CLASP2: variants seen among roughly 807,000 people sequenced by gnomAD.
CLASP2 encodes cytoplasmic linker associated protein 2, also known as CLIP-associating protein 2.
In CLASP2, 47 loss-of-function variants were observed where a neutral mutation model predicts 194.4. The observed-to-expected ratio is 0.24, with a 90% CI of 0.19 to 0.31. CLASP2 has a LOEUF of 0.31. Among genes scored for constraint, CLASP2 ranks in the 10% least tolerant of loss-of-function variants. CLASP2 has a pLI of 1.00. For synonymous variants in CLASP2, 619 were observed against 633.5 expected (o/e 0.98, Z 0.34); for missense variants, 1,445 against 1,823.6 (o/e 0.79, Z 3.78).
At chr3:33,611,495 G>C (rs2075169967) in intron 13 of CLASP2, among the ~76,000 whole-genome samples, 1 of 152,120 alleles carries the variant, frequency 6.6e-6, no homozygotes, top group South Asian at 2.1e-4. Flanking sequence ...GTTAAGAATT[G>C]TAGAAACCAG....
At chr3:33,572,545 C>T (rs1019326542) in intron 25 of CLASP2, among the ~76,000 whole-genome samples, 10 of 151,996 alleles carry the variant, frequency 6.6e-5, no homozygotes, top group Admixed American at 6.6e-4. Context: ...AAACATCACA[C>T]AGACAAGGAC....
chr3:33,581,015 C>CA (rs34304858), intron 23 of CLASP2, among the ~76,000 whole-genome samples: 30,607 of 57,648 alleles, frequency 0.53, 6,971 homozygotes, highest in African/African-American at 0.59. Flanking sequence ...GACTCCGTCT[C>CA]AAAAAAAAAA....
At chr3:33,578,615 G>T (rs1164616901) in intron 23 of CLASP2, among the ~76,000 whole-genome samples, 1 of 152,146 alleles carries the variant, frequency 6.6e-6, no homozygotes, top group Non-Finnish European at 1.5e-5. Context: ...CCCGAAAGGT[G>T]ACTGGTATCA....
rs1010661259 is a variant in CLASP2 at position 33,713,029 on chromosome 3, A to G, written c.195+4779T>C. 4.0e-5 allele frequency among the ~76,000 whole-genome samples: 6 copies of G among 150,772 alleles called. No individual in the cohort carries two copies. In the South Asian group the frequency reaches 1.0e-3, roughly 26 times the overall value. On this transcript the variant is annotated intron_variant, in intron 1 of 38. Transcript: ENST00000682230. Reference sequence around the variant, plus strand: ...CTCCACCTCAAAAAAAAAAAAAAAAAAAAAAAAAAAGAAAGTGTGAATCAC... The same window carrying G: ...CTCCACCTCAAAAAAAAAAAAAAAAGAAAAAAAAAAGAAAGTGTGAATCAC...
chr3:33,632,430 T>C (rs2079256244), intron 8 of CLASP2, 59 bp from the exon 9 acceptor site: 9 of 1,163,964 alleles, frequency 7.7e-6, no homozygotes, highest in South Asian at 1.5e-5. Flanking sequence ...TTAACATTAA[T>C]GACAACATGA....
intron 3 of CLASP2, 115 bp from the exon 4 acceptor site, chr3:33,688,483 G>T: frequency 1.3e-6 from 1 of 777,430 alleles, no homozygotes; most frequent in Middle Eastern, 3.8e-4. Context: ...GTTTTCATCA[G>T]ACTGTTGTTC....
At chr3:33,661,624 A>G (rs888532447) in intron 7 of CLASP2, among the ~76,000 whole-genome samples, 19 of 152,232 alleles carry the variant, frequency 1.2e-4, no homozygotes, top group Non-Finnish European at 2.2e-4. Context: ...AGGCAAGAAA[A>G]GATAACAGGG....
chr3:33,531,221 T>G (rs1209110162), intron 34 of CLASP2, among the ~76,000 whole-genome samples: 2 of 152,122 alleles, frequency 1.3e-5, no homozygotes, highest in African/African-American at 4.8e-5. Flanking sequence ...AATTAAAAAT[T>G]TCTGTGTCTC....
chr3:33,510,974 T>C (rs967456806), intron 36 of CLASP2, among the ~76,000 whole-genome samples: 6 of 151,888 alleles, frequency 4.0e-5, no homozygotes, highest in Non-Finnish European at 8.8e-5. Flanking sequence ...GATGGATACA[T>C]GGGCTTTATT....
At chr3:33,575,002 C>T (rs116343326) in intron 24 of CLASP2, among the ~76,000 whole-genome samples, 2,892 of 152,016 alleles carry the variant, frequency 0.019, 52 homozygotes, top group African/African-American at 0.044. Flanking sequence ...CAAGAAAAAC[C>T]CAATCAATTC....
At chr3:33,499,352 CTT>C (rs11446264) in intron 38 of CLASP2, among the ~76,000 whole-genome samples, 15 of 136,996 alleles carry the variant, frequency 1.1e-4, no homozygotes, top group Admixed American at 1.5e-4. Flanking sequence ...TAGGGCAGTT[CTT>C]TTTTTTTTTT....
intron 3 of CLASP2, among the ~76,000 whole-genome samples, chr3:33,688,868 T>C (rs1487256599): frequency 6.6e-6 from 1 of 152,114 alleles, no homozygotes; most frequent in Non-Finnish European, 1.5e-5. Flanking sequence ...GGGCAATTCA[T>C]TTTATAGCTA....
intron 33 of CLASP2, among the ~76,000 whole-genome samples, chr3:33,537,736 C>T (rs1353927875): frequency 6.6e-6 from 1 of 151,836 alleles, no homozygotes; most frequent in African/African-American, 2.4e-5. Flanking sequence ...ATTAAAAAAA[C>T]AAAACAAAAC....
chr3:33,664,212 TTC>T (rs983814654), intron 6 of CLASP2, among the ~76,000 whole-genome samples: 1 of 152,244 alleles, frequency 6.6e-6, no homozygotes, highest in Non-Finnish European at 1.5e-5. Flanking sequence ...ACTGTATCCT[TTC>T]TGATACTTTT....
rs576966928 is a variant in CLASP2 at position 33,562,556 on chromosome 3, C to T, written c.2767-1585G>A. Among the ~76,000 whole-genome samples the T allele has an allele frequency of 3.3e-5, 5 of 152,248 alleles. No individual in the cohort carries two copies. In the East Asian group the frequency reaches 7.7e-4, roughly 23 times the overall value. ...GTGGTTGGTAGCTTGAAATCTACCA[C>T]GGGATAGGAGTATTTACATCTCAGA... On this transcript the variant is annotated intron_variant, in intron 27 of 38. Coordinates refer to ENST00000682230, the MANE Select transcript of CLASP2 (RefSeq NM_001365631.1).
At chr3:33,638,551 C>A (rs2080659127) in intron 8 of CLASP2, among the ~76,000 whole-genome samples, 1 of 152,182 alleles carries the variant, frequency 6.6e-6, no homozygotes, top group Non-Finnish European at 1.5e-5. Context: ...TGTTAGCCGC[C>A]CGCCTAGGCC....
intron 22 of CLASP2, among the ~76,000 whole-genome samples, chr3:33,582,567 G>A (rs185269430): frequency 1.1e-4 from 16 of 152,280 alleles, no homozygotes; most frequent in Non-Finnish European, 1.6e-4. Context: ...GATGAGGCAG[G>A]AGGATTGCTT....
chr3:33,539,396 G>A (rs1027558576), intron 32 of CLASP2, among the ~76,000 whole-genome samples: 5 of 151,950 alleles, frequency 3.3e-5, no homozygotes, highest in African/African-American at 1.2e-4. Flanking sequence ...ATGTGATGGC[G>A]TGATCTCAGC....
intron 25 of CLASP2, among the ~76,000 whole-genome samples, chr3:33,571,104 C>T (rs1162832336): frequency 2.0e-5 from 3 of 150,298 alleles, no homozygotes; most frequent in African/African-American, 7.3e-5. Flanking sequence ...GGCTCCGCCC[C>T]CCGGGTTCAC....
Sources: gnomAD v4.1 joint callset for allele counts (sites outside exome capture counted in the v4.1 genomes callset) on GRCh38, gnomAD v4.1.1 for gene constraint, MANE v1.5 for transcripts, NCBI Gene and HGNC (gene_info 2026-07-23, HGNC 2026-07-21) for gene names.